CALN1: variants seen among roughly 807,000 people sequenced by gnomAD.
The protein encoded by CALN1 is calcium-binding protein 8.
CALN1 carries 17 observed loss-of-function variants against 30.6 expected under a neutral mutation model. The ratio of observed to expected loss-of-function variants is 0.56; its 90% CI spans 0.38 to 0.83. The LOEUF (loss-of-function observed/expected upper bound fraction) is 0.83, where lower values mean the gene tolerates loss of function less well. Ranked by LOEUF, CALN1 falls within the 40% of genes least tolerant of loss-of-function variation. CALN1 has a pLI of 0.00. For missense variants in CALN1, 291 were observed against 354.9 expected, an observed-to-expected ratio of 0.82 and a Z score of 1.45; for synonymous variants, 156 against 131.4, an observed-to-expected ratio of 1.19 and a Z score of -1.28.
intron 2 of CALN1, among the ~76,000 whole-genome samples, chr7:72,399,415 C>T (rs1054748254): frequency 5.9e-5 from 9 of 151,514 alleles, no homozygotes; most frequent in Non-Finnish European, 1.0e-4. Flanking sequence ...GGACTGTAAG[C>T]GCACACCACC....
chr7:72,497,742 T>C, the CALN1 span, among the ~76,000 whole-genome samples: 1 of 151,788 alleles, frequency 6.6e-6, no homozygotes, highest in Non-Finnish European at 1.5e-5. Flanking sequence ...CAATGTATCA[T>C]CCACAAGGTT....
At chr7:72,180,524 CTTTTTT>C in intron 3 of CALN1, among the ~76,000 whole-genome samples, 2 of 113,666 alleles carry the variant, frequency 1.8e-5, no homozygotes, top group East Asian at 5.0e-4. Context: ...AGAAGGTGTC[CTTTTTT>C]TTTTTTTTTT....
intron 4 of CALN1, among the ~76,000 whole-genome samples, chr7:72,051,017 T>C (rs1802801075): frequency 6.7e-6 from 1 of 149,554 alleles, no homozygotes; most frequent in South Asian, 2.1e-4. Flanking sequence ...AATAAATAAA[T>C]AAATAAATAA....
chr7:72,119,517 GA>G (rs34760301), intron 3 of CALN1, among the ~76,000 whole-genome samples: 33,830 of 144,226 alleles, frequency 0.23, 4,623 homozygotes, highest in East Asian at 0.69. Flanking sequence ...TAAAAGAAAG[GA>G]AAAAAAAAAA....
intron 3 of CALN1, among the ~76,000 whole-genome samples, chr7:72,180,363 T>C (rs1285491955): frequency 2.0e-5 from 3 of 152,076 alleles, no homozygotes; most frequent in Non-Finnish European, 4.4e-5. Flanking sequence ...AAAATGTGCA[T>C]TGTCAAGTTC....
At chr7:72,317,011 A>AG (rs901133748) in intron 2 of CALN1, among the ~76,000 whole-genome samples, 5 of 148,146 alleles carry the variant, frequency 3.4e-5, no homozygotes, top group Non-Finnish European at 6.0e-5. Context: ...AAGGAAAGGA[A>AG]GAAGGAAGGA....
At chr7:72,234,431 CT>C (rs775155407) in intron 3 of CALN1, among the ~76,000 whole-genome samples, 3 of 151,948 alleles carry the variant, frequency 2.0e-5, no homozygotes, top group Non-Finnish European at 2.9e-5. Context: ...GTCCACTTGT[CT>C]TTTTTTGTTT....
In CALN1 at chr7:71,783,916, T is replaced by G. The variant is rs922697193; in HGVS notation, c.*3859A>C. ...CAGGGCAGGTATTGAGAAAGAAGAC[T>G]CATAAGACACATCTTGTTCTCTGCA... On this transcript the variant is annotated 3_prime_UTR_variant, in exon 7 of 7. Transcript: ENST00000395275. 1.3e-5 allele frequency: 2 copies of G among 152,290 alleles called. No individual in the cohort carries two copies. Among genetic ancestry groups the G allele is most frequent in the Non-Finnish European group, 2.9e-5 (2 of 68,040 alleles). The allele number at this position is 152,290 out of a possible 1,614,324, so 9.4% of individuals were successfully genotyped here.
intron 1 of CALN1, among the ~76,000 whole-genome samples, chr7:72,443,860 T>A (rs570974861): frequency 1.0e-3 from 149 of 149,002 alleles, no homozygotes; most frequent in Middle Eastern, 3.4e-3. Context: ...TTTATTTTTT[T>A]GAGACAGAGT....
At chr7:72,286,037 T>C (rs894397301) in intron 2 of CALN1, among the ~76,000 whole-genome samples, 3 of 152,188 alleles carry the variant, frequency 2.0e-5, no homozygotes, top group Non-Finnish European at 4.4e-5. Context: ...TGCCAGAGTA[T>C]GGAAGAAGCT....
At chr7:72,320,378 T>A (rs915843947) in intron 2 of CALN1, among the ~76,000 whole-genome samples, 2 of 152,148 alleles carry the variant, frequency 1.3e-5, no homozygotes, top group Non-Finnish European at 2.9e-5. Flanking sequence ...GGGAGCTCTA[T>A]CTGTTCCCCA....
intron 5 of CALN1, among the ~76,000 whole-genome samples, chr7:71,962,175 T>C (rs1216187168): frequency 6.6e-6 from 1 of 151,822 alleles, no homozygotes; most frequent in Non-Finnish European, 1.5e-5. Flanking sequence ...GGAGGATCAC[T>C]TGAGGCCAGG....
intron 3 of CALN1, among the ~76,000 whole-genome samples, chr7:72,231,666 T>C (rs1794114614): frequency 6.6e-6 from 1 of 152,210 alleles, no homozygotes; most frequent in Non-Finnish European, 1.5e-5. Flanking sequence ...GCCTAATTTA[T>C]AAATGAAACT....
chr7:71,992,648 G>GCAC (rs1799015672), intron 5 of CALN1, among the ~76,000 whole-genome samples: 2 of 152,260 alleles, frequency 1.3e-5, no homozygotes, highest in East Asian at 3.9e-4. Context: ...GTAAGCCATC[G>GCAC]CACCCAGCAA....
chr7:71,972,278 G>C (rs1354766834), intron 5 of CALN1, among the ~76,000 whole-genome samples: 1 of 152,072 alleles, frequency 6.6e-6, no homozygotes, highest in Non-Finnish European at 1.5e-5. Context: ...TTCAATAGTG[G>C]GCGTTTGCAT....
rs1292661693 is a variant in CALN1 at position 72,201,740 on chromosome 7, A to T, written c.244+76946T>A. 1.1e-4 allele frequency among the ~76,000 whole-genome samples: 16 copies of T among 149,688 alleles called. 1 individual carries two copies. In the South Asian group the frequency reaches 2.7e-3, roughly 25 times the overall value. Reference sequence around the variant, plus strand: ...CATGTACAACCTTGAATCTGATTAAAAAAAAAAAAAAAAAAAGCAGTAACT... The same window carrying T: ...CATGTACAACCTTGAATCTGATTAATAAAAAAAAAAAAAAAAGCAGTAACT... On this transcript the variant is annotated intron_variant, in intron 3 of 6. Coordinates refer to ENST00000395275, the MANE Select transcript of CALN1 (RefSeq NM_031468.4).
At chr7:72,480,820 A>C in the CALN1 span, among the ~76,000 whole-genome samples, 2 of 152,192 alleles carry the variant, frequency 1.3e-5, no homozygotes, top group African/African-American at 2.4e-5. Flanking sequence ...TGGCCAAAAA[A>C]AAAAATTGTT....
intron 1 of CALN1, among the ~76,000 whole-genome samples, chr7:72,421,563 T>C (rs1807609157): frequency 6.6e-6 from 1 of 150,706 alleles, no homozygotes; most frequent in Admixed American, 6.6e-5. Context: ...TAAGATTTCA[T>C]TTTATCCTAC....
intron 2 of CALN1, among the ~76,000 whole-genome samples, chr7:72,391,590 G>A (rs1032688899): frequency 1.3e-5 from 2 of 152,186 alleles, no homozygotes; most frequent in East Asian, 3.9e-4. Flanking sequence ...CTGTGGGAGA[G>A]ACCCAGTGGG....
Sources: allele counts gnomAD v4.1 joint callset (sites outside exome capture counted in the v4.1 genomes callset), GRCh38; gene constraint gnomAD v4.1.1; transcripts MANE v1.5; gene names NCBI Gene and HGNC (gene_info 2026-07-23, HGNC 2026-07-21).